Variants in SLC43A2 observed in about 807,000 individuals in gnomAD.
SLC43A2 encodes the protein solute carrier family 43 member 2.
SLC43A2 carries 38 observed loss-of-function variants against 63.2 expected under a neutral mutation model. The ratio of observed to expected loss-of-function variants is 0.60; its 90% confidence interval spans 0.46 to 0.79. The LOEUF is 0.79. SLC43A2 is among the 30% of genes least tolerant of loss of function. SLC43A2 has a pLI of 0.00. For missense variants in SLC43A2, 644 were observed against 756.2 expected (o/e 0.85, Z 1.74); for synonymous variants, 322 against 331.0 (o/e 0.97, Z 0.30).
chr17:1,628,665 C>T (rs1038421084), intron 1 of SLC43A2, 129 bp downstream of exon 1: 2 of 149,380 alleles, frequency 1.3e-5, no homozygotes, highest in Admixed American at 6.7e-5. Context: ...TTCGTCATCT[C>T]TTCCCTGGCG....
intron 5 of SLC43A2, among the ~76,000 whole-genome samples, chr17:1,612,545 G>A (rs570613681): frequency 1.3e-5 from 2 of 152,366 alleles, no homozygotes; most frequent in South Asian, 2.1e-4. Flanking sequence ...CGAAGCTCCC[G>A]GAGACCCTGA....
chr17:1,598,435 G>A (rs1598463422), intron 5 of SLC43A2, among the ~76,000 whole-genome samples: 1 of 150,692 alleles, frequency 6.6e-6, no homozygotes, highest in Admixed American at 6.6e-5. Context: ...AAAAAAAAAA[G>A]GGAGGCCCAG....
rs1906517391 is a variant in SLC43A2, at chr17:1,605,471, C to A, written c.501+7724G>T. On this transcript the variant is annotated intron_variant, in intron 5 of 13. Transcript: ENST00000301335. This position sits in a 1 kb window ranked among gnomAD's most constrained non-coding sequence, Gnocchi z 4.9. ...GGCAGGCCATGGCATTGCTGGCAGG[C>A]AGAAACAAGGGGCAACCGTGGCACC... Among the ~76,000 whole-genome samples the A allele has an allele frequency of 6.6e-6, 1 of 152,154 alleles. No individual in the cohort carries two copies. Among genetic ancestry groups the A allele is most frequent in the South Asian group, 2.1e-4 (1 of 4,830 alleles).
rs987887056 is a variant in SLC43A2 at position 1,575,228 on chromosome 17, C to A, written c.*376G>T. On this transcript the variant is annotated 3_prime_UTR_variant, in exon 14 of 14. Coordinates refer to ENST00000301335, the MANE Select transcript of SLC43A2 (RefSeq NM_152346.3). Reference sequence around the variant, plus strand: ...CGGCTGTGGGCATGCAGCCGAGGGGCAGGTGGCAGGCAGGGGATGGCAGCC... The same window carrying A: ...CGGCTGTGGGCATGCAGCCGAGGGGAAGGTGGCAGGCAGGGGATGGCAGCC... 3.5e-5 allele frequency: 12 copies of A among 347,190 alleles called. No homozygotes were observed. Among genetic ancestry groups the A allele is most frequent in the Admixed American group, 1.9e-4 (4 of 21,430 alleles). The allele number at this position is 347,190 out of a possible 1,614,324, so 21.5% of individuals were successfully genotyped here.
rs1452252546 is a variant in SLC43A2 at position 1,572,355 on chromosome 17, T to A, written c.*3249A>T. On this transcript the variant is annotated 3_prime_UTR_variant, in exon 14 of 14. Coordinates refer to ENST00000301335, the MANE Select transcript of SLC43A2 (RefSeq NM_152346.3). ...AGCTGCTGCTCCGAGTGGAATGTCC[T>A]GGTCTAGAGGCCCTTGGCTGCTCCA... The A allele has an allele frequency of 6.7e-6, 1 of 148,970 alleles. No individual in the cohort carries two copies. Among genetic ancestry groups the A allele is most frequent in the Non-Finnish European group, 1.5e-5 (1 of 67,368 alleles). 9.2% of individuals were successfully genotyped at this position (148,970 alleles called of 1,614,324 possible). A position where few individuals can be genotyped will look rare whatever the true frequency, so the allele number is the denominator to read the frequency against.
intron 11 of SLC43A2, among the ~76,000 whole-genome samples, chr17:1,582,720 G>A (rs556728943): frequency 6.6e-6 from 1 of 152,314 alleles, no homozygotes; most frequent in South Asian, 2.1e-4. Flanking sequence ...AGCCTGGCAG[G>A]GAACAGGCCC....
At chr17:1,586,391 C>T (rs2076101744) in intron 9 of SLC43A2, among the ~76,000 whole-genome samples, 1 of 152,116 alleles carries the variant, frequency 6.6e-6, no homozygotes, top group Admixed American at 6.6e-5. Context: ...CCGTTAGTTT[C>T]TGTCTCTAGA....
intron 9 of SLC43A2, chr17:1,586,928 T>TGCCCC: frequency 1.7e-5 from 21 of 1,232,894 alleles, no homozygotes; most frequent in Admixed American, 2.2e-5. Context: ...TCCCTGACAA[T>TGCCCC]CCCCCCCACC....
At chr17:1,629,226 C>A (rs1312946676), upstream of SLC43A2, among the ~76,000 whole-genome samples, 1 of 152,108 alleles carries the variant, frequency 6.6e-6, no homozygotes, top group Non-Finnish European at 1.5e-5. Flanking sequence ...GGCTCTCCCG[C>A]GGCCGCCCCG....
At chr17:1,585,714 C>G in intron 10 of SLC43A2, 199 bp downstream of exon 10, 1 of 1,523,238 alleles carries the variant, frequency 6.6e-7, no homozygotes, top group Non-Finnish European at 8.8e-7. Flanking sequence ...CCATTGCATT[C>G]CAAACAATTT....
At chr17:1,587,926 A>G (rs902399564) in intron 9 of SLC43A2, among the ~76,000 whole-genome samples, 1 of 152,168 alleles carries the variant, frequency 6.6e-6, no homozygotes, top group African/African-American at 2.4e-5. Context: ...TCAGGCCTCA[A>G]TCCCCAAGCA....
chr17:1,579,857 G>A (rs1448886150), intron 11 of SLC43A2, among the ~76,000 whole-genome samples: 2 of 151,446 alleles, frequency 1.3e-5, no homozygotes, highest in South Asian at 2.1e-4. Context: ...CAAAATGAAC[G>A]AACAAAACCA....
rs140136615 is a variant in SLC43A2 at position 1,584,182 on chromosome 17, C to T, written c.1218-846G>A. Among the ~76,000 whole-genome samples, 1,440 of 152,148 alleles carry T rather than the reference C, an allele frequency of 9.5e-3. 7 individuals carry two copies. Among genetic ancestry groups the T allele is most frequent in the Non-Finnish European group, 0.015 (1,032 of 68,000 alleles). ...TGCTGGGATTACAGGTGTGAGCCAC[C>T]GCGCCCGGCCAAGCACCCTCTGCAA... On this transcript the variant is annotated intron_variant, in intron 10 of 13. Coordinates refer to ENST00000301335, the MANE Select transcript of SLC43A2 (RefSeq NM_152346.3).
chr17:1,622,543 C>A (rs1410170278), intron 2 of SLC43A2, among the ~76,000 whole-genome samples: 1 of 149,656 alleles, frequency 6.7e-6, no homozygotes, highest in African/African-American at 2.5e-5. Flanking sequence ...CCAGCCTGGG[C>A]GACAGAGCAA....
At chr17:1,604,666 G>A (rs369133853) in intron 5 of SLC43A2, 2 of 1,475,222 alleles carry the variant, frequency 1.4e-6, no homozygotes. Flanking sequence ...ATACCACAAT[G>A]CCCAGTCCCC....
chr17:1,575,213 C>A lies in SLC43A2; in HGVS notation c.*391G>T. 3.0e-6 allele frequency: 1 copy of A among 328,498 alleles called. No homozygotes were observed. The highest frequency in any genetic ancestry group is 5.8e-6 in the Non-Finnish European group (1 of 173,572). The allele number at this position is 328,498 out of a possible 1,614,324, so 20.3% of individuals were successfully genotyped here. On this transcript the variant is annotated 3_prime_UTR_variant, in exon 14 of 14. Transcript: ENST00000301335. ...GTCCTCAGGCAGGTACGGCTGTGGG[C>A]ATGCAGCCGAGGGGCAGGTGGCAGG...
rs2151034410 is a variant in SLC43A2 at position 1,583,644 on chromosome 17, G to C, written c.1218-308C>G. The stretch of plus-strand genomic sequence containing the variant: ...GAGAGAAGTAGCAGCGTGTGCCTGA[G>C]CTGGCACATGGCAAAGCCTCACTTC... On this transcript the variant is annotated intron_variant, in intron 10 of 13. Coordinates refer to ENST00000301335, the MANE Select transcript of SLC43A2 (RefSeq NM_152346.3). This position sits in a 1 kb window ranked among gnomAD's most constrained non-coding sequence, Gnocchi z 5.5. 1 of 299,158 alleles carries C rather than the reference G, an allele frequency of 3.3e-6. No individual in the cohort carries two copies. The highest frequency in any genetic ancestry group is 5.9e-5 in the East Asian group (1 of 17,088). The allele number at this position is 299,158 out of a possible 1,614,324, so 18.5% of individuals were successfully genotyped here. A position where few individuals can be genotyped will look rare whatever the true frequency, so the allele number is the denominator to read the frequency against.
chr17:1,609,941 C>T (rs1906949266), intron 5 of SLC43A2, among the ~76,000 whole-genome samples: 1 of 151,600 alleles, frequency 6.6e-6, no homozygotes, highest in Non-Finnish European at 1.5e-5. Flanking sequence ...CGGAGTTTCG[C>T]TCTTGTTGCC....
rs564993770 is a variant in SLC43A2 at position 1,604,442 on chromosome 17, T to C, written c.501+8753A>G. 1.1e-5 allele frequency: 5 copies of C among 436,486 alleles called. No homozygotes were observed. In the South Asian group the frequency reaches 1.6e-4, roughly 14 times the overall value. The allele number at this position is 436,486 out of a possible 1,614,324, so 27.0% of individuals were successfully genotyped here. A position where few individuals can be genotyped will look rare whatever the true frequency, so the allele number is the denominator to read the frequency against. ...CTATTCACAGGCATGATCCCTCTAC[T>C]GATCAGCAGGACACTTTTGACCTGC... On this transcript the variant is annotated intron_variant, in intron 5 of 13. Transcript: ENST00000301335.
Sources: gnomAD v4.1 joint callset for allele counts (sites outside exome capture counted in the v4.1 genomes callset) on GRCh38, gnomAD v4.1.1 for gene constraint, Gnocchi (gnomAD v3.1) non-coding constraint, MANE v1.5 for transcripts, NCBI Gene and HGNC (gene_info 2026-07-23, HGNC 2026-07-21) for gene names.